TMPRSS3: variants seen among roughly 807,000 people sequenced by gnomAD.
TMPRSS3 encodes transmembrane serine protease 3, also known as transmembrane protease serine 3.
Under a neutral mutation model 59.6 loss-of-function variants are expected in TMPRSS3, and 55 were observed. The ratio of observed to expected loss-of-function variants is 0.92; its 90% CI spans 0.74 to 1.16. The LOEUF (loss-of-function observed/expected upper bound fraction) is 1.16. Among genes scored for constraint, TMPRSS3 ranks in the 50% most tolerant of loss-of-function variants. TMPRSS3 has a pLI of 0.00. For synonymous variants in TMPRSS3, 257 were observed against 237.7 expected (o/e 1.08, Z -0.75); for missense variants, 596 against 579.4 (o/e 1.03, Z -0.29).
In TMPRSS3 at chr21:42,376,622, G is replaced by T. The variant is rs1366455224; in HGVS notation, c.1110C>A (p.Asn370Lys). The T allele has an allele frequency of 6.2e-7, 1 of 1,614,132 alleles. No homozygotes were observed. Among genetic ancestry groups the T allele is most frequent in the African/African-American group, 1.3e-5 (1 of 75,048 alleles). ...AVPLISNKIC[N>K]HRDVYGGIIS... ...TGATGCCACCGTACACGTCCCTGTG[G>T]TTGCAGATCTTGTTGGAAATCAAAG... The change falls in exon 11 of 13, where the codon AAC becomes AAA. Residue 370 changes from asparagine (N) to lysine (K), a missense_variant. Physicochemically the swap from Asn to Lys is moderately conservative, Grantham distance 94. Transcript: ENST00000644384.
In TMPRSS3 at chr21:42,382,398, C is replaced by T. The variant is rs145475461; in HGVS notation, c.783-164G>A. The stretch of plus-strand genomic sequence containing the variant: ...TGCTGTATATGCAACTGCACTGCCA[C>T]GCCCTACAGAAACACAGACCCACAC... On this transcript the variant is annotated intron_variant, in intron 8 of 12. Coordinates refer to ENST00000644384, the MANE Select transcript of TMPRSS3 (RefSeq NM_001256317.3). 311 of 683,072 alleles carry T rather than the reference C, an allele frequency of 4.6e-4. 6 individuals carry two copies. Among genetic ancestry groups the T allele is most frequent in the South Asian group, 2.5e-3 (154 of 62,046 alleles). The allele number at this position is 683,072 out of a possible 1,614,324, so 42.3% of individuals were successfully genotyped here. A position where few individuals can be genotyped will look rare whatever the true frequency, so the allele number is the denominator to read the frequency against.
intron 2 of TMPRSS3, among the ~76,000 whole-genome samples, chr21:42,394,138 T>C (rs759940953): frequency 8.1e-4 from 123 of 152,152 alleles, no homozygotes; most frequent in Non-Finnish European, 1.5e-3. Context: ...AATACATTAC[T>C]CTATTTACAA....
At chr21:42,389,592 A>C (rs540443948) in intron 3 of TMPRSS3, among the ~76,000 whole-genome samples, 2 of 152,258 alleles carry the variant, frequency 1.3e-5, no homozygotes, top group African/African-American at 4.8e-5. Context: ...CCTGCATTGC[A>C]TGAATAGGTC....
chr21:42,389,174 T>C (rs1305500820), intron 3 of TMPRSS3, 129 bp from the exon 4 acceptor site: 4 of 1,529,008 alleles, frequency 2.6e-6, no homozygotes, highest in Non-Finnish European at 3.5e-6. Context: ...ATTGCGTCCC[T>C]GTCAGCAGCC....
At chr21:42,374,956 T>C (rs1046953461) in intron 12 of TMPRSS3, among the ~76,000 whole-genome samples, 1 of 151,288 alleles carries the variant, frequency 6.6e-6, no homozygotes, top group African/African-American at 2.4e-5. Flanking sequence ...TCAACCGTAT[T>C]AAGTGAGGAC....
chr21:42,389,224 G>A (rs1350737242), intron 3 of TMPRSS3, 179 bp from the exon 4 acceptor site: 2 of 1,340,116 alleles, frequency 1.5e-6, no homozygotes, highest in Admixed American at 2.0e-5. Context: ...ATTCCAAGGG[G>A]TGGGGCTGCT....
At chr21:42,379,652 A>T (rs2052487595) in intron 10 of TMPRSS3, among the ~76,000 whole-genome samples, 2 of 152,134 alleles carry the variant, frequency 1.3e-5, no homozygotes, top group South Asian at 4.1e-4. Flanking sequence ...TGCCACTCCT[A>T]CTTCCCTTAT....
intron 10 of TMPRSS3, among the ~76,000 whole-genome samples, chr21:42,378,062 T>A (rs1014518822): frequency 2.0e-5 from 3 of 152,192 alleles, no homozygotes; most frequent in Admixed American, 2.0e-4. Flanking sequence ...CGTAGATTGG[T>A]GTCCCAGCTC....
Position 42,376,544 on chromosome 21 carries a change from G to A in TMPRSS3, c.1188C>T (p.Cys396=), listed in dbSNP as rs1374167577. Residue 396 remains cysteine (C), a synonymous_variant, in exon 11 of 13, where the codon TGC becomes TGT. Transcript: ENST00000644384. ...GCCCACCGCTGCGGCCCCGTACCTG[G>A]CAGCTGTCCACGCCACCCGTCAGGT... is the stretch of plus-strand genomic sequence containing the variant. ...AGYLTGGVDS[C]QGDSGGPLVC... The A allele has an allele frequency of 1.1e-5, 18 of 1,613,226 alleles. No individual in the cohort carries two copies. The highest frequency in any genetic ancestry group is 1.5e-5 in the Non-Finnish European group (18 of 1,179,874).
chr21:42,373,152 A>C (rs1237955080), intron 12 of TMPRSS3, among the ~76,000 whole-genome samples: 2 of 152,168 alleles, frequency 1.3e-5, no homozygotes, highest in African/African-American at 4.8e-5. Flanking sequence ...TGGGCATGCC[A>C]CCAACTAGCA....
chr21:42,376,794 C>T (rs1452008848), intron 10 of TMPRSS3, 111 bp from the exon 11 acceptor site: 12 of 1,531,692 alleles, frequency 7.8e-6, no homozygotes, highest in South Asian at 5.6e-5. Flanking sequence ...GGGGGATGCT[C>T]TCTGGTGTGT....
chr21:42,383,100 A>G lies in TMPRSS3; in HGVS notation c.715T>C (p.Tyr239His), dbSNP rs149001183. The G allele has an allele frequency of 1.8e-4, 283 of 1,614,204 alleles. No individual in the cohort carries two copies. The African/African-American group carries it at 3.3e-3, about 19-fold the overall frequency. The stretch of plus-strand genomic sequence containing the variant: ...ATGACAGAGCCCCCGCACAGGTGGT[A>G]GCCCTGGAACTGAAGGCTGGCCTGC... ...PWQASLQFQG[Y>H]HLCGGSVITP... Residue 239 changes from tyrosine to histidine, a missense_variant, in exon 8 of 13, where the codon TAC becomes CAC. By Grantham distance (83) the Tyr-to-His change is moderately conservative. Coordinates refer to ENST00000644384, the MANE Select transcript of TMPRSS3 (RefSeq NM_001256317.3).
chr21:42,380,637 C>T (rs987352100), intron 9 of TMPRSS3, among the ~76,000 whole-genome samples: 25 of 152,210 alleles, frequency 1.6e-4, no homozygotes, highest in African/African-American at 5.5e-4. Flanking sequence ...GGCTCTCAGG[C>T]CAACGCGTGC....
Position 42,391,979 on chromosome 21 carries a change from T to C in TMPRSS3, c.95-1942A>G, listed in dbSNP as rs1408214523. ...CTTCCCTCCTGGGGAGAGCAGGCCA[T>C]TTCACCTAAATTACCTCATCAATCC... On this transcript the variant is annotated intron_variant, in intron 2 of 12. Coordinates refer to ENST00000644384, the MANE Select transcript of TMPRSS3 (RefSeq NM_001256317.3). 2.0e-5 allele frequency among the ~76,000 whole-genome samples: 3 copies of C among 152,268 alleles called. No homozygotes were observed. The East Asian group carries it at 5.8e-4, about 29-fold the overall frequency.
At chr21:42,375,092 C>T (rs1020485908) in intron 12 of TMPRSS3, among the ~76,000 whole-genome samples, 2 of 152,108 alleles carry the variant, frequency 1.3e-5, no homozygotes, top group Non-Finnish European at 2.9e-5. Context: ...AGGGTCCCAG[C>T]GAAGCCCTAA....
chr21:42,372,742 G>A lies in TMPRSS3; in HGVS notation c.*20C>T. 6.2e-7 allele frequency: 1 copy of A among 1,613,978 alleles called. No homozygotes were observed. Among genetic ancestry groups the A allele is most frequent in the Non-Finnish European group, 8.5e-7 (1 of 1,179,862 alleles). On this transcript the variant is annotated 3_prime_UTR_variant, in exon 13 of 13. Coordinates refer to ENST00000644384, the MANE Select transcript of TMPRSS3 (RefSeq NM_001256317.3). ...CTTCATCACCTCAGGAACTCAGGTG[G>A]CTACTTGTCCCCTTCCTCTTCAGGT...
In TMPRSS3 at chr21:42,375,863, G is replaced by C. The variant is rs397517371; in HGVS notation, c.1197C>G (p.Asp399Glu). ...CTTGACACACCAGGGGCCCCCCGCT[G>C]TCCCCCTGGGTGACAGGAAAGAAGC... ...LTGGVDSCQG[D>E]SGGPLVCQER... Residue 399 changes from aspartate to glutamate, a missense_variant, in exon 12 of 13, where the codon GAC (aspartate) becomes GAG (glutamate). Physicochemically the swap from Asp to Glu is conservative, Grantham distance 45. Transcript: ENST00000644384. 2.2e-5 allele frequency: 35 copies of C among 1,613,498 alleles called. No individual in the cohort carries two copies. The highest frequency in any genetic ancestry group is 2.7e-5 in the Non-Finnish European group (32 of 1,180,004).
rs751060281 is a variant in TMPRSS3, at chr21:42,389,913, T to C, written c.205+14A>G. The C allele has an allele frequency of 2.5e-6, 4 of 1,580,148 alleles. No individual in the cohort carries two copies. The African/African-American group carries it at 4.0e-5, about 16-fold the overall frequency. ...AGGTATTTGAGATCCTACTAAATAATGAATTGTACTCACTGCCCAGACCAA... is the reference window on the plus strand; with the variant it reads ...AGGTATTTGAGATCCTACTAAATAACGAATTGTACTCACTGCCCAGACCAA... On this transcript the variant is annotated intron_variant, in intron 3 of 12. Coordinates refer to ENST00000644384, the MANE Select transcript of TMPRSS3 (RefSeq NM_001256317.3).
rs190166171 is a variant in TMPRSS3 at position 42,387,060 on chromosome 21, C to T, written c.446+1343G>A. ...GGATGAGAAGGAATATTTTACCAAA[C>T]GGGCTGGGGTGGAAGAGAGACGGGA... On this transcript the variant is annotated intron_variant, in intron 5 of 12. Transcript: ENST00000644384. Among the ~76,000 whole-genome samples the T allele has an allele frequency of 2.5e-3, 380 of 150,336 alleles. 3 individuals are homozygous for T. Among genetic ancestry groups the T allele is most frequent in the Admixed American group, 3.6e-3 (54 of 15,086 alleles).
Sources: allele counts gnomAD v4.1 joint callset (sites outside exome capture counted in the v4.1 genomes callset), GRCh38; gene constraint gnomAD v4.1.1; transcripts MANE v1.5; gene names NCBI Gene and HGNC (gene_info 2026-07-23, HGNC 2026-07-21).